The following CLCN5 variants were observed in gnomAD, a reference collection of about 807,000 sequenced individuals.
CLCN5 encodes the protein Cl-/H+ antiporter 5, also known as H(+)/Cl(-) exchange transporter 5.
CLCN5 carries 17 observed loss-of-function variants against 54.0 expected under a neutral mutation model. The ratio of observed to expected loss-of-function variants is 0.31; its 90% CI spans 0.22 to 0.47. The LOEUF (loss-of-function observed/expected upper bound fraction) is 0.47. Ranked by LOEUF, CLCN5 falls within the 20% of genes least tolerant of loss-of-function variation. The pLI, the probability that CLCN5 is intolerant of heterozygous loss-of-function variation, is 1.00. For missense variants in CLCN5, 448 were observed against 646.7 expected, an observed-to-expected ratio of 0.69 and a Z score of 3.33; for synonymous variants, 222 against 233.0, an observed-to-expected ratio of 0.95 and a Z score of 0.43.
rs782377006 is a variant in CLCN5, at chrX:50,090,695, G to T, written c.2169G>T (p.Gly723=). The T allele has an allele frequency of 8.2e-5, 99 of 1,207,488 alleles. No individual in the cohort carries two copies. Among genetic ancestry groups the T allele is most frequent in the Non-Finnish European group, 1.1e-4 (97 of 893,918 alleles). ...AAAATGCTCGAAAGAAACAGGATGG[G>T]GTTGTTAGCACTTCCATCATTTATT... ...SIENARKKQD[G]VVSTSIIYFT... Residue 723 remains glycine (G), a synonymous_variant, in exon 14 of 15, where the codon GGG becomes GGT. Transcript: ENST00000376091.
chrX:50,004,635 C>G (rs1557181121), intron 3 of CLCN5, among the ~76,000 whole-genome samples: 1 of 111,701 alleles, frequency 9.0e-6, no homozygotes, highest in Non-Finnish European at 1.9e-5. Flanking sequence ...CATCCAGGCA[C>G]AGGGGCTCAT....
intron 4 of CLCN5, chrX:50,069,661 C>T: frequency 1.0e-6 from 1 of 977,081 alleles, no homozygotes; most frequent in Non-Finnish European, 1.3e-6. Context: ...TCATCTGTTG[C>T]TTTCCATTCA....
At chrX:49,929,907 AT>A (rs1483150756) in intron 3 of CLCN5, among the ~76,000 whole-genome samples, 1 of 110,766 alleles carries the variant, frequency 9.0e-6, no homozygotes, top group Admixed American at 9.6e-5. Flanking sequence ...AAGGAAAAAG[AT>A]TAATATAATC....
chrX:50,003,583 C>T (rs1202047933), intron 3 of CLCN5: 3 of 362,946 alleles, frequency 8.3e-6, no homozygotes, highest in South Asian at 2.5e-5. Flanking sequence ...TGCAGGATGG[C>T]GAGCCTCAGC....
At chrX:50,000,298 C>T (rs1258586437) in intron 3 of CLCN5, among the ~76,000 whole-genome samples, 1 of 110,183 alleles carries the variant, frequency 9.1e-6, no homozygotes, top group African/African-American at 3.3e-5. Flanking sequence ...TCTCCTACCC[C>T]ACGCATGGCT....
At chrX:50,062,174 A>G (rs2147519659) in intron 4 of CLCN5, among the ~76,000 whole-genome samples, 1 of 96,494 alleles carries the variant, frequency 1.0e-5, no homozygotes, top group East Asian at 3.3e-4. Context: ...CTTTAAATGT[A>G]AATGGACTAA....
chrX:50,032,368 C>G (rs1931750242), intron 3 of CLCN5, among the ~76,000 whole-genome samples: 1 of 111,065 alleles, frequency 9.0e-6, no homozygotes, highest in African/African-American at 3.3e-5. Flanking sequence ...TCTCCACATC[C>G]TCTCCAGCAC....
intron 3 of CLCN5, among the ~76,000 whole-genome samples, chrX:49,925,535 C>G: frequency 8.9e-6 from 1 of 112,369 alleles, no homozygotes; most frequent in South Asian, 3.7e-4. Context: ...TAGGAAAATG[C>G]CATGCCAGCA....
At chrX:50,065,319 A>G (rs1932962695) in intron 4 of CLCN5, among the ~76,000 whole-genome samples, 1 of 85,419 alleles carries the variant, frequency 1.2e-5, no homozygotes, top group African/African-American at 4.3e-5. Context: ...TTACAAGAAA[A>G]AAACAAACAA....
chrX:49,967,468 G>GT (rs1450797246), intron 3 of CLCN5, among the ~76,000 whole-genome samples: 3 of 90,772 alleles, frequency 3.3e-5, no homozygotes, highest in African/African-American at 1.9e-4. Flanking sequence ...GGGGTTGTTT[G>GT]TTTTTTTCTT....
At chrX:50,064,266 G>C (rs1354172614) in intron 4 of CLCN5, among the ~76,000 whole-genome samples, 4 of 109,889 alleles carry the variant, frequency 3.6e-5, no homozygotes, top group Non-Finnish European at 5.7e-5. Flanking sequence ...AAACCCCGTC[G>C]TCTCAGCCCA....
intron 4 of CLCN5, among the ~76,000 whole-genome samples, chrX:50,049,173 TA>T (rs1263570422): frequency 1.8e-5 from 2 of 112,018 alleles, no homozygotes; most frequent in African/African-American, 6.5e-5. Flanking sequence ...ACAGACTGCA[TA>T]TATGATACCA....
At chrX:50,089,053 A>T (rs1051040322) in intron 12 of CLCN5, among the ~76,000 whole-genome samples, 169 bp downstream of exon 12, 2 of 110,594 alleles carry the variant, frequency 1.8e-5, no homozygotes, top group Admixed American at 9.5e-5. Flanking sequence ...TGAGGAAACT[A>T]AAAAAAATAA....
chrX:49,927,253 A>G (rs1557168150), intron 3 of CLCN5, among the ~76,000 whole-genome samples: 1 of 112,566 alleles, frequency 8.9e-6, no homozygotes, highest in Non-Finnish European at 1.9e-5. Context: ...ATTTTACAAT[A>G]AAAACATTTT....
intron 8 of CLCN5, 58 bp from the exon 9 acceptor site, chrX:50,081,583 T>C (rs993997124): frequency 1.2e-5 from 12 of 990,632 alleles, no homozygotes; most frequent in Non-Finnish European, 1.7e-5. Flanking sequence ...AGATTTTTGC[T>C]TCTTAGCCTT....
At chrX:49,940,128 T>C (rs1439394865) in intron 3 of CLCN5, among the ~76,000 whole-genome samples, 6 of 111,693 alleles carry the variant, frequency 5.4e-5, no homozygotes, top group African/African-American at 2.0e-4. Flanking sequence ...GGCCTCATTT[T>C]GTAACGTGTT....
rs781783102 is a variant in CLCN5 at position 49,971,166 on chromosome X, C to A, written c.16+45852C>A. Reference sequence around the variant, plus strand: ...ACTGACCTTGTATCCTCCAACCTTGCTGAACTTATTTATTAGTTCTGGTAG... The same window carrying A: ...ACTGACCTTGTATCCTCCAACCTTGATGAACTTATTTATTAGTTCTGGTAG... On this transcript the variant is annotated intron_variant, in intron 3 of 14. Coordinates refer to ENST00000376091, the MANE Select transcript of CLCN5 (RefSeq NM_001127898.4). Among the ~76,000 whole-genome samples the A allele has an allele frequency of 2.9e-5, 3 of 105,254 alleles. No individual in the cohort carries two copies. In the South Asian group the frequency reaches 1.2e-3, roughly 43 times the overall value. 91.4% of individuals were successfully genotyped at this position (105,254 alleles called of 115,157 possible). A position where few individuals can be genotyped will look rare whatever the true frequency, so the allele number is the denominator to read the frequency against.
chrX:49,929,276 C>T (rs1257931199), intron 3 of CLCN5, among the ~76,000 whole-genome samples: 1 of 111,856 alleles, frequency 8.9e-6, no homozygotes, highest in Non-Finnish European at 1.9e-5. Context: ...TTAATGGAGC[C>T]CTCTAATATA....
At chrX:50,078,171 G>A (rs1020586207) in intron 7 of CLCN5, among the ~76,000 whole-genome samples, 1 of 110,552 alleles carries the variant, frequency 9.0e-6, no homozygotes, top group Admixed American at 9.6e-5. Context: ...CAAGACCCCT[G>A]TGTCTAAAAA....
Sources: allele counts gnomAD v4.1 joint callset (sites outside exome capture counted in the v4.1 genomes callset), GRCh38; gene constraint gnomAD v4.1.1; transcripts MANE v1.5; gene names NCBI Gene and HGNC (gene_info 2026-07-23, HGNC 2026-07-21).